The following CCDC40 variants were observed in gnomAD, a reference collection of about 807,000 sequenced individuals.
The protein encoded by CCDC40 is coiled-coil domain 40 molecular ruler complex subunit, also known as coiled-coil domain-containing protein 40.
A neutral mutation model predicts 124.5 loss-of-function variants in CCDC40; 104 were observed. The observed-to-expected ratio is 0.84, with a 90% CI of 0.71 to 0.98. CCDC40 has a LOEUF of 0.98. Among genes scored for constraint, CCDC40 ranks in the 50% least tolerant of loss-of-function variants. The pLI, the probability that CCDC40 is intolerant of heterozygous loss-of-function variation, is 0.00. For synonymous variants in CCDC40, 580 were observed against 602.9 expected (o/e 0.96, Z 0.56); for missense variants, 1,463 against 1,503.9 (o/e 0.97, Z 0.45).
At chr17:80,037,499 C>G (rs142969649) in intron 1 of CCDC40, among the ~76,000 whole-genome samples, 23 of 151,566 alleles carry the variant, frequency 1.5e-4, no homozygotes, top group Admixed American at 7.9e-4. Context: ...ATACTATGAT[C>G]TCTAATTCAG....
intron 16 of CCDC40, among the ~76,000 whole-genome samples, chr17:80,089,228 T>G (rs1479159828): frequency 2.0e-5 from 3 of 152,232 alleles, no homozygotes; most frequent in Non-Finnish European, 2.9e-5. Flanking sequence ...TGGGCCCATA[T>G]CTCCCTGTGG....
At chr17:80,076,347 G>A (rs371869031) in intron 10 of CCDC40, among the ~76,000 whole-genome samples, 38 of 152,212 alleles carry the variant, frequency 2.5e-4, no homozygotes, top group Middle Eastern at 3.4e-3. Flanking sequence ...GCCAAGGCAG[G>A]CAGATGACCT....
chr17:80,075,119 T>G (rs12602605), intron 10 of CCDC40, among the ~76,000 whole-genome samples: 110,732 of 151,678 alleles, frequency 0.73, 40,560 homozygotes, highest in Middle Eastern at 0.91. Flanking sequence ...AGATGGGGTT[T>G]CAACCGTGTT....
rs1567818268 is a variant in CCDC40 at position 80,097,394 on chromosome 17, C to CA, written c.3174dup (p.Arg1059ThrfsTer15). The CA allele has an allele frequency of 6.2e-7, 1 of 1,613,924 alleles. No individual in the cohort carries two copies. Among genetic ancestry groups the CA allele is most frequent in the South Asian group, 1.1e-5 (1 of 91,084 alleles). ...CCGACCTCACCCGGCTTGGGGCCCT[C>CA]AAACGACAGGTAAACGTGTCCCAGG... is the stretch of plus-strand genomic sequence containing the variant. On this transcript the variant is annotated frameshift_variant, in exon 19 of 20. Coordinates refer to ENST00000397545, the MANE Select transcript of CCDC40 (RefSeq NM_017950.4). LOFTEE classifies it low-confidence loss of function (END_TRUNC).
At chr17:80,098,239 G>T (rs1343949777) in intron 19 of CCDC40, among the ~76,000 whole-genome samples, 1 of 152,220 alleles carries the variant, frequency 6.6e-6, no homozygotes, top group East Asian at 1.9e-4. Flanking sequence ...TAAGACCCAG[G>T]CAGAGAGGGG....
intron 2 of CCDC40, among the ~76,000 whole-genome samples, chr17:80,038,850 A>T (rs952473701): frequency 6.6e-6 from 1 of 152,174 alleles, no homozygotes; most frequent in East Asian, 1.9e-4. Flanking sequence ...AATTAAATTA[A>T]AAATAAATAA....
In CCDC40 at chr17:80,058,673, T is replaced by A; in HGVS notation, c.1317+22T>A. 6.2e-7 allele frequency: 1 copy of A among 1,613,642 alleles called. No individual in the cohort carries two copies. Among genetic ancestry groups the A allele is most frequent in the Non-Finnish European group, 8.5e-7 (1 of 1,179,596 alleles). Reference sequence around the variant, plus strand: ...GCAGGTATTCTGCAAACTCGACACATGTTTAATGATCACCAGACCGTGGAG... The same window carrying A: ...GCAGGTATTCTGCAAACTCGACACAAGTTTAATGATCACCAGACCGTGGAG... On this transcript the variant is annotated intron_variant, in intron 8 of 19. Transcript: ENST00000397545. This position sits in a 1 kb window ranked among gnomAD's most constrained non-coding sequence, Gnocchi z 4.2.
intron 9 of CCDC40, among the ~76,000 whole-genome samples, chr17:80,063,795 T>C (rs1052975321): frequency 6.6e-6 from 1 of 152,202 alleles, no homozygotes; most frequent in Non-Finnish European, 1.5e-5. Context: ...CCGCCGCACC[T>C]GGCCCAGTCA....
In CCDC40 at chr17:80,090,199, G is replaced by A. The variant is rs567724903; in HGVS notation, c.2832+315G>A. 0.023 allele frequency: 23,520 copies of A among 1,015,122 alleles called. 4,654 individuals carry two copies. Among genetic ancestry groups the A allele is most frequent in the Non-Finnish European group, 0.029 (20,985 of 721,136 alleles). 62.9% of individuals were successfully genotyped at this position (1,015,122 alleles called of 1,614,324 possible). ...CGTGCACGAACAACACGGGACGCAC[G>A]CAGGCACGTGCACGAAGAACACGGG... is the stretch of plus-strand genomic sequence containing the variant. On this transcript the variant is annotated intron_variant, in intron 17 of 19. Transcript: ENST00000397545.
In CCDC40 at chr17:80,058,167, A is replaced by G. The variant is rs185135317; in HGVS notation, c.1160-327A>G. Among the ~76,000 whole-genome samples the G allele has an allele frequency of 2.6e-5, 4 of 152,272 alleles. No homozygotes were observed. In the East Asian group the frequency reaches 7.7e-4, roughly 29 times the overall value. On this transcript the variant is annotated intron_variant, in intron 7 of 19. Coordinates refer to ENST00000397545, the MANE Select transcript of CCDC40 (RefSeq NM_017950.4). The surrounding 1 kb of genome is among the most constrained non-coding windows in gnomAD (Gnocchi z 4.2). ...CAGTGGTAAGACATCTATGCAATCAACCCGAAGCCTTACCACCTGGCACTA... is the reference window on the plus strand; with the variant it reads ...CAGTGGTAAGACATCTATGCAATCAGCCCGAAGCCTTACCACCTGGCACTA...
rs149098355 is a variant in CCDC40, at chr17:80,038,402, G to A, written c.93+216G>A. Among the ~76,000 whole-genome samples, 1,271 of 152,062 alleles carry A rather than the reference G, an allele frequency of 8.4e-3. 14 individuals are homozygous for A. The highest frequency in any genetic ancestry group is 0.041 in the Middle Eastern group (12 of 294). ...AAAAATTAGCCGGGCGTGGTGGTGC[G>A]CACATGTAGTCCCAGCTACTCGGGA... On this transcript the variant is annotated intron_variant, in intron 2 of 19. Coordinates refer to ENST00000397545, the MANE Select transcript of CCDC40 (RefSeq NM_017950.4).
intron 7 of CCDC40, chr17:80,051,318 G>A (rs1415962426): frequency 3.1e-6 from 3 of 982,618 alleles, no homozygotes; most frequent in Non-Finnish European, 3.6e-6. Flanking sequence ...CAGAGTTAGG[G>A]TAAGTGGGCA....
chr17:80,099,548 C>T lies in CCDC40; in HGVS notation c.3202C>T (p.Leu1068=). 1.9e-6 allele frequency: 3 copies of T among 1,611,328 alleles called. No homozygotes were observed. The highest frequency in any genetic ancestry group is 2.5e-6 in the Non-Finnish European group (3 of 1,180,024). Residue 1068 remains leucine (L), a synonymous_variant, in exon 20 of 20, where the codon CTG becomes TTG. Transcript: ENST00000397545. ...CCAGAACCTTTCAGAGATCGTGGCC[C>T]TGCAGACACGCCTTAAGCACCTGCA... is the stretch of plus-strand genomic sequence containing the variant. ...KRQNLSEIVA[L]QTRLKHLQAV...
In CCDC40 at chr17:80,048,744, GT is replaced by G; in HGVS notation, c.842del (p.Leu281TrpfsTer7). The G allele has an allele frequency of 6.2e-7, 1 of 1,612,058 alleles. No homozygotes were observed. Among genetic ancestry groups the G allele is most frequent in the African/African-American group, 1.3e-5 (1 of 75,018 alleles). On this transcript the variant is annotated frameshift_variant, in exon 5 of 20. Transcript: ENST00000397545. LOFTEE classifies it high-confidence loss of function. The stretch of plus-strand genomic sequence containing the variant: ...AGAAGACGAAGGGTCCCAGCTGGTG[GT>G]TTTGGACCCAGACCACGTAAGGAAG... Reference protein sequence around the residue: ...EAEDEGSQLVVLDPDHPLMVR... With the variant: ...EAEDEGSQLVXLDPDHPLMVR...
At chr17:80,097,502 G>A in intron 19 of CCDC40, 99 bp downstream of exon 19, 1 of 1,316,012 alleles carries the variant, frequency 7.6e-7, no homozygotes, top group South Asian at 1.3e-5. Flanking sequence ...GGCCTCTCCT[G>A]ATCAGGTCAC....
intron 1 of CCDC40, among the ~76,000 whole-genome samples, chr17:80,037,691 ATATACATATAT>A (rs1568665054): frequency 2.6e-5 from 2 of 75,974 alleles, no homozygotes; most frequent in African/African-American, 6.5e-5. Context: ...TTTAAAAAAG[ATATACATATAT>A]ATATATATAT....
intron 10 of CCDC40, among the ~76,000 whole-genome samples, chr17:80,076,223 GAA>G (rs1358616099): frequency 6.6e-6 from 1 of 152,132 alleles, no homozygotes; most frequent in Non-Finnish European, 1.5e-5. Flanking sequence ...TTTCATAAAA[GAA>G]GAGTCGATCC....
At chr17:80,083,915 C>T (rs936407489) in intron 12 of CCDC40, among the ~76,000 whole-genome samples, 2 of 152,190 alleles carry the variant, frequency 1.3e-5, no homozygotes, top group Admixed American at 6.5e-5. Context: ...AGCACAGGAA[C>T]ATAAGACCCG....
At chr17:80,062,871 A>G (rs532133309) in intron 9 of CCDC40, among the ~76,000 whole-genome samples, 2 of 152,180 alleles carry the variant, frequency 1.3e-5, no homozygotes, top group Admixed American at 6.5e-5. Flanking sequence ...GATTACGGGC[A>G]TGAGCCACCG....
Sources: gnomAD v4.1 joint callset for allele counts (sites outside exome capture counted in the v4.1 genomes callset) on GRCh38, gnomAD v4.1.1 for gene constraint, Gnocchi (gnomAD v3.1) non-coding constraint, MANE v1.5 for transcripts, NCBI Gene and HGNC (gene_info 2026-07-23, HGNC 2026-07-21) for gene names.